PIBF1: variants seen among roughly 807,000 people sequenced by gnomAD.
The protein encoded by PIBF1 is progesterone-induced-blocking factor 1.
Under a neutral mutation model 112.5 loss-of-function variants are expected in PIBF1, and 90 were observed. The observed-to-expected ratio is 0.80, with a 90% CI of 0.67 to 0.95. The LOEUF (loss-of-function observed/expected upper bound fraction) is 0.95, where lower values mean the gene tolerates loss of function less well. Ranked by LOEUF, PIBF1 falls within the 40% of genes least tolerant of loss-of-function variation. PIBF1 has a pLI of 0.00. For missense variants in PIBF1, 915 were observed against 852.3 expected (o/e 1.07, Z -0.92); for synonymous variants, 301 against 288.6 (o/e 1.04, Z -0.44).
intron 14 of PIBF1, 22 bp downstream of exon 14, chr13:72,931,289 A>T (rs754350152): frequency 3.8e-6 from 5 of 1,328,850 alleles, no homozygotes; most frequent in Non-Finnish European, 5.4e-6. Flanking sequence ...AAAGAAACCC[A>T]TATGAAGAAT....
At chr13:73,014,055 C>A (rs990818319) in intron 17 of PIBF1, among the ~76,000 whole-genome samples, 1 of 150,996 alleles carries the variant, frequency 6.6e-6, no homozygotes. Flanking sequence ...CCTTCCCTCC[C>A]CTCCCCTCCA....
intron 4 of PIBF1, 33 bp from the exon 5 acceptor site, chr13:72,797,874 T>A: frequency 6.5e-7 from 1 of 1,535,240 alleles, no homozygotes; most frequent in Non-Finnish European, 8.8e-7. Context: ...TAATTTGGAT[T>A]TAAGACTGCT....
chr13:72,902,416 TAA>T (rs533865004), intron 11 of PIBF1, among the ~76,000 whole-genome samples: 23 of 143,026 alleles, frequency 1.6e-4, no homozygotes, highest in Admixed American at 1.4e-4. Context: ...TGTGTGGCTT[TAA>T]AAAAAAAAAA....
rs1208290220 is a variant in PIBF1 at position 72,880,154 on chromosome 13, C to T, written c.1323-13630C>T. 2.0e-5 allele frequency among the ~76,000 whole-genome samples: 3 copies of T among 152,168 alleles called. No individual in the cohort carries two copies. In the East Asian group the frequency reaches 5.8e-4, roughly 29 times the overall value. ...TATCAGCATGCATATCTTTCCCATG[C>T]ATCTCTTTAGCAGGGTAGGAAAATT... On this transcript the variant is annotated intron_variant, in intron 10 of 17. Transcript: ENST00000326291.
At chr13:72,901,504 C>T (rs1308143775) in intron 11 of PIBF1, among the ~76,000 whole-genome samples, 1 of 152,078 alleles carries the variant, frequency 6.6e-6, no homozygotes, top group Non-Finnish European at 1.5e-5. Context: ...GCCTGGCCAA[C>T]ATGTGAAACC....
rs2040535811 is a variant in PIBF1 at position 72,902,591 on chromosome 13, A to G, written c.1489-5940A>G. Among the ~76,000 whole-genome samples, 3 of 152,194 alleles carry G rather than the reference A, an allele frequency of 2.0e-5. No individual in the cohort carries two copies. In the South Asian group the frequency reaches 6.2e-4, roughly 31 times the overall value. The stretch of plus-strand genomic sequence containing the variant: ...CAGTAATTTTACTTAAAGGAATTTT[A>G]TCTAAGGAAATAGAGATACGTATAA... On this transcript the variant is annotated intron_variant, in intron 11 of 17. Coordinates refer to ENST00000326291, the MANE Select transcript of PIBF1 (RefSeq NM_006346.4).
chr13:72,789,441 C>T (rs2034779714), intron 2 of PIBF1, among the ~76,000 whole-genome samples: 1 of 152,048 alleles, frequency 6.6e-6, no homozygotes, highest in Non-Finnish European at 1.5e-5. Flanking sequence ...CCCACCTTGG[C>T]CCCCCAAAGT....
At position 72,908,596 on chromosome 13, in the gene PIBF1, A is replaced by G. The variant is rs765497378; in HGVS notation, c.1554A>G (p.Ala518=). Residue 518 remains alanine, a synonymous_variant, in exon 12 of 18, where the codon GCA becomes GCG. Coordinates refer to ENST00000326291, the MANE Select transcript of PIBF1 (RefSeq NM_006346.4). ...AAAAACGCATTACTGAACTTCAAGC[A>G]CAGAACTCAGAGCATCAAGCAAGGC... The part of the protein sequence containing the change: ...SSEKRITELQ[A]QNSEHQARLD... 1.1e-5 allele frequency: 18 copies of G among 1,613,000 alleles called. No individual in the cohort carries two copies. The highest frequency in any genetic ancestry group is 1.5e-5 in the Non-Finnish European group (18 of 1,179,188).
intron 14 of PIBF1, among the ~76,000 whole-genome samples, chr13:72,952,851 A>G (rs1566485070): frequency 6.7e-6 from 1 of 149,240 alleles, no homozygotes; most frequent in Non-Finnish European, 1.5e-5. Flanking sequence ...CAGAGGTCTC[A>G]TGAAGCTTCT....
In PIBF1 at chr13:72,931,843, G is replaced by A. The variant is rs898163102; in HGVS notation, c.1833+576G>A. On this transcript the variant is annotated intron_variant, in intron 14 of 17. Coordinates refer to ENST00000326291, the MANE Select transcript of PIBF1 (RefSeq NM_006346.4). ...TGCGAGTCATAAAACAATTTAAACC[G>A]GAGGTACTACTTTGCTAATGTTCCT... Among the ~76,000 whole-genome samples, 7 of 148,770 alleles carry A rather than the reference G, an allele frequency of 4.7e-5. 1 individual carries two copies. Among genetic ancestry groups the A allele is most frequent in the South Asian group, 4.2e-4 (2 of 4,730 alleles).
At chr13:72,979,555 G>A (rs1376732483) in intron 16 of PIBF1, among the ~76,000 whole-genome samples, 1 of 152,190 alleles carries the variant, frequency 6.6e-6, no homozygotes, top group Non-Finnish European at 1.5e-5. Flanking sequence ...GTATTTCAGT[G>A]AGTGAAGGTG....
At chr13:72,812,794 A>C (rs968059477) in intron 5 of PIBF1, among the ~76,000 whole-genome samples, 3 of 151,176 alleles carry the variant, frequency 2.0e-5, no homozygotes, top group Non-Finnish European at 4.4e-5. Flanking sequence ...CAAAAAAAAA[A>C]CCCCAAAACA....
chr13:72,788,050 A>G (rs1420793464), intron 2 of PIBF1, among the ~76,000 whole-genome samples: 1 of 152,240 alleles, frequency 6.6e-6, no homozygotes, highest in South Asian at 2.1e-4. Flanking sequence ...CTTATTGAGC[A>G]TCGTATGCTA....
chr13:72,931,986 G>T (rs2041723243), intron 14 of PIBF1, among the ~76,000 whole-genome samples: 1 of 133,818 alleles, frequency 7.5e-6, no homozygotes, highest in South Asian at 2.4e-4. Flanking sequence ...TTATCGCCCA[G>T]ACTGGAGTGC....
At chr13:72,866,428 A>G (rs1301841371) in intron 10 of PIBF1, among the ~76,000 whole-genome samples, 1 of 152,078 alleles carries the variant, frequency 6.6e-6, no homozygotes, top group Non-Finnish European at 1.5e-5. Flanking sequence ...TTTAACTAAA[A>G]TTTTCTAATT....
At chr13:72,834,910 G>A (rs2037287989) in intron 8 of PIBF1, among the ~76,000 whole-genome samples, 1 of 151,952 alleles carries the variant, frequency 6.6e-6, no homozygotes, top group Non-Finnish European at 1.5e-5. Flanking sequence ...TTAAATGAAG[G>A]ACATTCTCAA....
chr13:72,974,987 T>C (rs1218991469), intron 16 of PIBF1, among the ~76,000 whole-genome samples: 1 of 152,134 alleles, frequency 6.6e-6, no homozygotes, highest in East Asian at 1.9e-4. Flanking sequence ...GCCTTTTTTC[T>C]ACTGAACTAT....
chr13:72,839,378 A>G (rs2037501785), intron 9 of PIBF1, among the ~76,000 whole-genome samples: 2 of 152,242 alleles, frequency 1.3e-5, no homozygotes, highest in African/African-American at 4.8e-5. Flanking sequence ...TTAAAACATT[A>G]GAAAATACAA....
chr13:72,954,413 T>C (rs1261622125), intron 14 of PIBF1, among the ~76,000 whole-genome samples: 2 of 152,210 alleles, frequency 1.3e-5, no homozygotes, highest in Non-Finnish European at 1.5e-5. Context: ...TAGTCTCCAC[T>C]TAAAATCATA....
Sources: allele counts gnomAD v4.1 joint callset (sites outside exome capture counted in the v4.1 genomes callset), GRCh38; gene constraint gnomAD v4.1.1; transcripts MANE v1.5; gene names NCBI Gene and HGNC (gene_info 2026-07-23, HGNC 2026-07-21).